Variants in PEX7 observed in about 807,000 individuals in gnomAD.
PEX7 encodes PTS2 receptor.
In PEX7, 34 loss-of-function variants were observed where a neutral mutation model predicts 47.5. The observed-to-expected ratio is 0.72, with a 90% CI of 0.54 to 0.95. PEX7 has a LOEUF of 0.95. PEX7 is among the 40% of genes least tolerant of loss of function. The pLI is 0.00. For synonymous variants in PEX7, 141 were observed against 148.8 expected, an observed-to-expected ratio of 0.95 and a Z score of 0.38; for missense variants, 394 against 400.3, an observed-to-expected ratio of 0.98 and a Z score of 0.13.
intron 3 of PEX7, among the ~76,000 whole-genome samples, chr6:136,834,516 T>TGAAAAGGACATTTCTGATGGA (rs1582737883): frequency 6.6e-6 from 1 of 152,308 alleles, no homozygotes; most frequent in East Asian, 1.9e-4. Flanking sequence ...CACACCCAAC[T>TGAAAAGGACATTTCTGATGGA]GAAAAGGACA....
At chr6:136,843,024 G>T (rs1774530117) in intron 3 of PEX7, among the ~76,000 whole-genome samples, 1 of 152,226 alleles carries the variant, frequency 6.6e-6, no homozygotes, top group South Asian at 2.1e-4. Flanking sequence ...GAAACCAGCA[G>T]GGGTAGAGCT....
At chr6:136,901,852 C>T (rs944196477) in intron 9 of PEX7, among the ~76,000 whole-genome samples, 2 of 152,210 alleles carry the variant, frequency 1.3e-5, no homozygotes, top group Admixed American at 6.5e-5. Flanking sequence ...ATGGCGTGAT[C>T]TCGGCTCACT....
intron 3 of PEX7, 43 bp from the exon 4 acceptor site, chr6:136,845,572 C>A: frequency 1.8e-6 from 2 of 1,124,516 alleles, no homozygotes; most frequent in Non-Finnish European, 2.7e-6. Flanking sequence ...CAATGTTGAA[C>A]TTGATGGTCT....
chr6:136,845,364 A>G (rs1774576973), intron 3 of PEX7, among the ~76,000 whole-genome samples: 1 of 152,230 alleles, frequency 6.6e-6, no homozygotes, highest in South Asian at 2.1e-4. Context: ...GTTTTAGTGA[A>G]GAAGGTTTGG....
intron 5 of PEX7, among the ~76,000 whole-genome samples, chr6:136,863,888 A>G (rs902334760): frequency 2.0e-5 from 3 of 152,170 alleles, no homozygotes; most frequent in African/African-American, 7.2e-5. Flanking sequence ...CAGCCTGGAA[A>G]TTAAAAGAAT....
intron 8 of PEX7, among the ~76,000 whole-genome samples, chr6:136,897,582 G>A (rs1245742312): frequency 1.6e-4 from 24 of 152,086 alleles, no homozygotes; most frequent in Admixed American, 1.6e-3. Context: ...GAAAGGCTGT[G>A]CCTCAAAAAA....
chr6:136,831,648 T>C (rs1371911400), intron 3 of PEX7, among the ~76,000 whole-genome samples: 1 of 152,258 alleles, frequency 6.6e-6, no homozygotes, highest in Admixed American at 6.5e-5. Context: ...AGTTAGTTAC[T>C]TCTAAGATAC....
At chr6:136,862,903 G>C (rs1345734027) in intron 5 of PEX7, among the ~76,000 whole-genome samples, 1 of 152,124 alleles carries the variant, frequency 6.6e-6, no homozygotes, top group Non-Finnish European at 1.5e-5. Flanking sequence ...GCTGTTCCTA[G>C]AAAAAGGGTA....
intron 8 of PEX7, among the ~76,000 whole-genome samples, chr6:136,886,366 C>G (rs1775468313): frequency 2.0e-5 from 3 of 152,040 alleles, no homozygotes; most frequent in Non-Finnish European, 4.4e-5. Context: ...CCTCTATTTA[C>G]TAGTTGTGAA....
intron 8 of PEX7, among the ~76,000 whole-genome samples, chr6:136,872,467 G>T (rs1775200893): frequency 6.6e-6 from 1 of 151,956 alleles, no homozygotes; most frequent in African/African-American, 2.4e-5. Flanking sequence ...ATATTAGCCT[G>T]GCTATTCTGT....
Position 136,833,808 on chromosome 6 carries a change from A to T in PEX7, c.339+7339A>T, listed in dbSNP as rs573497571. On this transcript the variant is annotated intron_variant, in intron 3 of 9. Transcript: ENST00000318471. The stretch of plus-strand genomic sequence containing the variant: ...CAATTCTCATGTTTTAAAAGCATTT[A>T]CCTTCTTTTGGCTTTGTTTTATATT... Among the ~76,000 whole-genome samples, 4 of 152,302 alleles carry T rather than the reference A, an allele frequency of 2.6e-5. No individual in the cohort carries two copies. The South Asian group carries it at 8.3e-4, about 32-fold the overall frequency.
intron 8 of PEX7, among the ~76,000 whole-genome samples, chr6:136,881,445 G>A (rs1775375443): frequency 6.6e-6 from 1 of 152,134 alleles, no homozygotes; most frequent in African/African-American, 2.4e-5. Flanking sequence ...AAGCAAGAAG[G>A]CATAAACTGA....
chr6:136,871,847 T>C (rs997418863), intron 7 of PEX7, among the ~76,000 whole-genome samples: 1 of 152,156 alleles, frequency 6.6e-6, no homozygotes, highest in South Asian at 2.1e-4. Context: ...AGGTGTGAGC[T>C]GCTGCATCTG....
chr6:136,823,320 A>G (rs1011762453), intron 1 of PEX7: 2 of 985,314 alleles, frequency 2.0e-6, no homozygotes, highest in Admixed American at 1.2e-4. Flanking sequence ...TGACACCATG[A>G]AATATATCAA....
At chr6:136,913,283 C>G (rs1327056059) in intron 9 of PEX7, among the ~76,000 whole-genome samples, 175 bp from the exon 10 acceptor site, 1 of 152,148 alleles carries the variant, frequency 6.6e-6, no homozygotes. Context: ...TGAGGTATAT[C>G]CTAAAAAGGG....
At position 136,826,333 on chromosome 6, in the gene PEX7, A is replaced by T. The variant is rs763388501; in HGVS notation, c.203A>T (p.Asp68Val). 22 of 1,613,710 alleles carry T rather than the reference A, an allele frequency of 1.4e-5. No individual in the cohort carries two copies. The Admixed American group carries it at 3.7e-4, about 27-fold the overall frequency. The change falls in exon 3 of 10, where the codon GAT becomes GTT. Residue 68 changes from aspartate (D) to valine (V), a missense_variant. Transcript: ENST00000318471. ...LRLFRSFDWN[D>V]GLFDVTWSEN... ...TCCTAGTGTAGCTTTGACTGGAATG[A>T]TGGTTTGTTTGATGTGACTTGGAGT...
At chr6:136,825,298 A>G (rs752812577) in intron 2 of PEX7, 27 bp downstream of exon 2, 22 of 1,558,010 alleles carry the variant, frequency 1.4e-5, no homozygotes, top group Non-Finnish European at 1.9e-5. Context: ...TATTAAAGGT[A>G]TATATTGTTG....
chr6:136,822,820 G>A (rs931779024), intron 1 of PEX7, 25 bp downstream of exon 1: 1 of 1,236,902 alleles, frequency 8.1e-7, no homozygotes, highest in African/African-American at 1.6e-5. Flanking sequence ...CGCAGCTGGG[G>A]CCGGGGGGCG....
chr6:136,871,021 GTTAATATT>G (rs1235295306), intron 7 of PEX7, among the ~76,000 whole-genome samples: 1 of 152,180 alleles, frequency 6.6e-6, no homozygotes, highest in Non-Finnish European at 1.5e-5. Flanking sequence ...TTTTAGTTAA[GTTAATATT>G]TTAAGTTTCT....
Sources: allele counts gnomAD v4.1 joint callset (sites outside exome capture counted in the v4.1 genomes callset), GRCh38; gene constraint gnomAD v4.1.1; transcripts MANE v1.5; gene names NCBI Gene and HGNC (gene_info 2026-07-23, HGNC 2026-07-21).